The following DMXL2 variants were observed in gnomAD, a reference collection of about 807,000 sequenced individuals.
The protein encoded by DMXL2 is dmX-like protein 2.
Under a neutral mutation model 331.1 loss-of-function variants are expected in DMXL2, and 103 were observed. The observed-to-expected ratio is 0.31, with a 90% CI of 0.27 to 0.37. DMXL2 has a LOEUF of 0.37. Ranked by LOEUF, DMXL2 falls within the 10% of genes least tolerant of loss-of-function variation. The pLI, the probability that DMXL2 is intolerant of heterozygous loss-of-function variation, is 1.00. For missense variants in DMXL2, 3,171 were observed against 3,642.9 expected (o/e 0.87, Z 3.33); for synonymous variants, 1,281 against 1,252.1 (o/e 1.02, Z -0.49).
At chr15:51,459,035 T>C in intron 34 of DMXL2, 1 of 468,496 alleles carries the variant, frequency 2.1e-6, no homozygotes, top group Non-Finnish European at 3.8e-6. Context: ...AGATACTGAT[T>C]AATTATAAAA....
intron 13 of DMXL2, among the ~76,000 whole-genome samples, chr15:51,531,887 G>C (rs147525978): frequency 1.1e-3 from 164 of 152,306 alleles, no homozygotes; most frequent in African/African-American, 3.7e-3. Flanking sequence ...TGTTGGCATA[G>C]ATGTGGAGAA....
At chr15:51,558,250 T>G (rs942992674) in intron 6 of DMXL2, among the ~76,000 whole-genome samples, 15 of 152,184 alleles carry the variant, frequency 9.9e-5, no homozygotes, top group African/African-American at 3.6e-4. Context: ...TAAAGGTTAT[T>G]AAGTGCCTTC....
chr15:51,538,210 A>C lies in DMXL2; in HGVS notation c.1345+3T>G. 6.2e-7 allele frequency: 1 copy of C among 1,610,934 alleles called. No individual in the cohort carries two copies. The highest frequency in any genetic ancestry group is 8.5e-7 in the Non-Finnish European group (1 of 1,178,116). On this transcript the variant is annotated splice_donor_region_variant and intron_variant, in intron 10 of 43. Coordinates refer to ENST00000560891, the MANE Select transcript of DMXL2 (RefSeq NM_001378457.1). The stretch of plus-strand genomic sequence containing the variant: ...AAGTAAAATCTGAACACAGGATACT[A>C]ACCATGGTCTAATTTCATATGTAAA...
intron 1 of DMXL2, among the ~76,000 whole-genome samples, chr15:51,610,561 G>C (rs1025052696): frequency 6.6e-6 from 1 of 152,308 alleles, no homozygotes; most frequent in Non-Finnish European, 1.5e-5. Flanking sequence ...GAGGTCAGGA[G>C]ATCGAGACCA....
At chr15:51,556,696 T>C (rs1004319546) in intron 6 of DMXL2, among the ~76,000 whole-genome samples, 1 of 151,616 alleles carries the variant, frequency 6.6e-6, no homozygotes, top group African/African-American at 2.4e-5. Context: ...TACTTGAACC[T>C]GGGAAGCTGA....
intron 13 of DMXL2, among the ~76,000 whole-genome samples, chr15:51,524,655 G>T (rs2047567940): frequency 6.6e-6 from 1 of 152,182 alleles, no homozygotes; most frequent in Non-Finnish European, 1.5e-5. Context: ...TTATATAGCA[G>T]AAAGAAAAAC....
chr15:51,491,965 A>G (rs1214345471), intron 19 of DMXL2, among the ~76,000 whole-genome samples: 1 of 152,220 alleles, frequency 6.6e-6, no homozygotes, highest in Non-Finnish European at 1.5e-5. Context: ...CTTTTTCCCC[A>G]AACATTTGTT....
At chr15:51,525,743 T>C (rs897596899) in intron 13 of DMXL2, among the ~76,000 whole-genome samples, 52 of 152,142 alleles carry the variant, frequency 3.4e-4, no homozygotes, top group African/African-American at 1.3e-3. Context: ...TAGGAGGGAC[T>C]GTGTCTTGTG....
chr15:51,457,563 A>G, intron 36 of DMXL2, 97 bp from the exon 37 acceptor site: 10 of 1,408,664 alleles, frequency 7.1e-6, no homozygotes, highest in Non-Finnish European at 9.6e-6. Context: ...GACAATCTTT[A>G]TTTTAAAAAC....
At chr15:51,608,736 C>A (rs2053760744) in intron 1 of DMXL2, among the ~76,000 whole-genome samples, 1 of 150,078 alleles carries the variant, frequency 6.7e-6, no homozygotes. Flanking sequence ...ACATGTACCC[C>A]TGAAACTAAA....
chr15:51,540,822 T>G (rs887423237), intron 9 of DMXL2, among the ~76,000 whole-genome samples: 1 of 152,094 alleles, frequency 6.6e-6, no homozygotes, highest in Non-Finnish European at 1.5e-5. Context: ...ATGGATAAAA[T>G]TAGTGAAGGT....
Position 51,547,220 on chromosome 15 carries a change from T to C in DMXL2, c.746+10A>G, listed in dbSNP as rs746897413. 1.9e-6 allele frequency: 3 copies of C among 1,574,512 alleles called. No individual in the cohort carries two copies. The highest frequency in any genetic ancestry group is 1.7e-6 in the Non-Finnish European group (2 of 1,166,152). ...ATGCAAACTAAAGCTACATGATTCA[T>C]TCATCTAACCTGGGCATATACTTGC... is the stretch of plus-strand genomic sequence containing the variant. On this transcript the variant is annotated intron_variant, in intron 7 of 43. Coordinates refer to ENST00000560891, the MANE Select transcript of DMXL2 (RefSeq NM_001378457.1).
At chr15:51,590,412 C>T (rs2052203850) in intron 1 of DMXL2, among the ~76,000 whole-genome samples, 1 of 152,208 alleles carries the variant, frequency 6.6e-6, no homozygotes, top group South Asian at 2.1e-4. Flanking sequence ...AAAGAGTAAG[C>T]AGTCCACAGA....
intron 28 of DMXL2, 78 bp downstream of exon 28, chr15:51,474,266 T>C (rs759480098): frequency 7.1e-7 from 1 of 1,402,674 alleles, no homozygotes; most frequent in Non-Finnish European, 9.6e-7. Flanking sequence ...AAGTGAAATT[T>C]CTTGAAACAT....
At chr15:51,529,176 A>C (rs2047858436) in intron 13 of DMXL2, among the ~76,000 whole-genome samples, 1 of 152,166 alleles carries the variant, frequency 6.6e-6, no homozygotes, top group Non-Finnish European at 1.5e-5. Flanking sequence ...CTTCAAATAA[A>C]CAACCTAACG....
chr15:51,519,634 T>C (rs79028774), intron 13 of DMXL2, among the ~76,000 whole-genome samples: 1 of 147,618 alleles, frequency 6.8e-6, no homozygotes, highest in African/African-American at 2.5e-5. Context: ...ACAAAGTCTC[T>C]TGTTTTTTTT....
At chr15:51,459,804 C>T (rs750069850) in intron 33 of DMXL2, 144 bp from the exon 34 acceptor site, 271 of 1,193,504 alleles carry the variant, frequency 2.3e-4, no homozygotes, top group Non-Finnish European at 2.8e-4. Flanking sequence ...AAAATTAAAC[C>T]GAATAAAACA....
In DMXL2 at chr15:51,453,561, G is replaced by A. The variant is rs2039351287; in HGVS notation, c.8685C>T (p.Ser2895=). The change falls in exon 41 of 44, where the codon TCC becomes TCT. Residue 2895 remains serine, a synonymous_variant. Coordinates refer to ENST00000560891, the MANE Select transcript of DMXL2 (RefSeq NM_001378457.1). Reference sequence around the variant, plus strand: ...TTCTGTCAACCTACCTATTGTCATTGGAGTGTCCAGATGTGGCAACTAGAC... The same window carrying A: ...TTCTGTCAACCTACCTATTGTCATTAGAGTGTCCAGATGTGGCAACTAGAC... ...SSSLVATSGH[S]NDNRNVCLWD... The A allele has an allele frequency of 6.2e-7, 1 of 1,610,878 alleles. No homozygotes were observed. Among genetic ancestry groups the A allele is most frequent in the South Asian group, 1.1e-5 (1 of 90,518 alleles).
chr15:51,469,378 ATG>A (rs990364199), intron 29 of DMXL2, among the ~76,000 whole-genome samples: 4 of 152,106 alleles, frequency 2.6e-5, no homozygotes, highest in Non-Finnish European at 5.9e-5. Context: ...CCTTTTGTGT[ATG>A]TTGGAAGTTT....
Sources: gnomAD v4.1 joint callset for allele counts (sites outside exome capture counted in the v4.1 genomes callset) on GRCh38, gnomAD v4.1.1 for gene constraint, MANE v1.5 for transcripts, NCBI Gene and HGNC (gene_info 2026-07-23, HGNC 2026-07-21) for gene names.